Variants in CYREN observed in about 807,000 individuals in gnomAD.
CYREN encodes cell cycle regulator of non-homologous end joining.
In CYREN, 7 loss-of-function variants were observed where a neutral mutation model predicts 9.7. The observed-to-expected ratio is 0.72, with a 90% CI of 0.41 to 1.36. CYREN has a LOEUF of 1.36. CYREN is among the 40% of genes most tolerant of loss of function. The pLI, the probability that CYREN is intolerant of heterozygous loss-of-function variation, is 0.01. For missense variants in CYREN, 215 were observed against 198.1 expected (o/e 1.09, Z -0.51); for synonymous variants, 76 against 77.9 (o/e 0.98, Z 0.13).
At chr7:135,159,263 T>C (rs537630386) in intron 2 of CYREN, among the ~76,000 whole-genome samples, 1 of 152,374 alleles carries the variant, frequency 6.6e-6, no homozygotes, top group South Asian at 2.1e-4. Flanking sequence ...AGGCACATAC[T>C]ACCTGTGTTT....
At chr7:135,168,618 T>C in intron 2 of CYREN, 168 bp downstream of exon 2, 8 of 1,073,208 alleles carry the variant, frequency 7.5e-6, no homozygotes, top group Non-Finnish European at 1.1e-5. Flanking sequence ...TAACCCGCTT[T>C]GCCTCCCGCC....
intron 2 of CYREN, among the ~76,000 whole-genome samples, chr7:135,122,742 A>T (rs1015019022): frequency 6.6e-6 from 1 of 152,126 alleles, no homozygotes; most frequent in Admixed American, 6.5e-5. Context: ...CCAGGAGTGA[A>T]CCAGATGACG....
chr7:135,132,044 T>TAA (rs1336582453), intron 2 of CYREN, among the ~76,000 whole-genome samples: 1 of 152,072 alleles, frequency 6.6e-6, no homozygotes, highest in Non-Finnish European at 1.5e-5. Flanking sequence ...TTTAAAACCC[T>TAA]AAAAAAGAAA....
At position 135,115,264 on chromosome 7, in the gene CYREN, A is replaced by G. The variant is rs112352940; in HGVS notation, n.357-20682T>C. On this transcript the variant is annotated intron_variant and non_coding_transcript_variant, in intron 2 of 2. Coordinates refer to the CYREN transcript ENST00000459937. ...ATTTTCTGCCCACTGTCATTAAAGT[A>G]CAAGCTTCAGATGGGCAAGGAATTT... 4.8e-4 allele frequency: 298 copies of G among 625,088 alleles called. 4 individuals carry two copies. In the African/African-American group the frequency reaches 4.9e-3, roughly 10 times the overall value. 38.7% of individuals were successfully genotyped at this position (625,088 alleles called of 1,614,324 possible).
chr7:135,115,654 CT>C (rs771017532), intron 2 of CYREN: 1 of 1,397,234 alleles, frequency 7.2e-7, no homozygotes, highest in Non-Finnish European at 9.6e-7. Flanking sequence ...TTTAACACAT[CT>C]TTTTTAAAAA....
At chr7:135,096,540 AAAAG>A (rs58038162) in intron 2 of CYREN, among the ~76,000 whole-genome samples, 3,794 of 64,512 alleles carry the variant, frequency 0.059, 89 homozygotes, top group South Asian at 0.098. Context: ...AACAAAAAGA[AAAAG>A]AAAGAAAGAA....
In CYREN at chr7:135,168,976, TTA is replaced by T; in HGVS notation, c.-56_-55del. The stretch of plus-strand genomic sequence containing the variant: ...GGGCCCAAGCTTAATGACCTGTTTT[TTA>T]ATTCAGGAAGGTAAATCTCGTTCTC... On this transcript the variant is annotated 5_prime_UTR_variant, in exon 2 of 4. Coordinates refer to ENST00000393114, the MANE Select transcript of CYREN (RefSeq NM_024033.4). The T allele has an allele frequency of 6.8e-7, 1 of 1,475,282 alleles. No individual in the cohort carries two copies. The highest frequency in any genetic ancestry group is 9.0e-7 in the Non-Finnish European group (1 of 1,105,100). 91.4% of individuals were successfully genotyped at this position (1,475,282 alleles called of 1,614,324 possible).
At chr7:135,162,460 T>C (rs981240758), downstream of CYREN, among the ~76,000 whole-genome samples, 1 of 152,152 alleles carries the variant, frequency 6.6e-6, no homozygotes, top group African/African-American at 2.4e-5. Flanking sequence ...AGATACCCAG[T>C]AATTTGAAAA....
chr7:135,150,421 C>T (rs746351767), intron 2 of CYREN, among the ~76,000 whole-genome samples: 6 of 152,170 alleles, frequency 3.9e-5, no homozygotes, highest in Non-Finnish European at 8.8e-5. Flanking sequence ...AACTAGAGTA[C>T]AAGCTCAATG....
At chr7:135,099,882 C>CTTTTTTTTTTTTTT (rs34324217) in intron 2 of CYREN, 2 of 62,700 alleles carry the variant, frequency 3.2e-5, no homozygotes, top group Non-Finnish European at 5.5e-5. Flanking sequence ...CTGAGTTTCT[C>CTTTTTTTTTTTTTT]TTTTTTTTTT....
intron 2 of CYREN, among the ~76,000 whole-genome samples, chr7:135,153,490 A>G (rs1186762249): frequency 2.7e-5 from 4 of 150,860 alleles, no homozygotes; most frequent in African/African-American, 9.7e-5. Context: ...TAAAAACTCT[A>G]AAAACAGCAG....
chr7:135,158,818 G>C (rs1829858519), intron 2 of CYREN, among the ~76,000 whole-genome samples: 1 of 152,200 alleles, frequency 6.6e-6, no homozygotes, highest in African/African-American at 2.4e-5. Context: ...CTCCCTCCTT[G>C]AAGCAGCTCG....
Position 135,145,147 on chromosome 7 carries a change from A to G in CYREN, n.356+23602T>C, listed in dbSNP as rs148995767. On this transcript the variant is annotated intron_variant and non_coding_transcript_variant, in intron 2 of 2. Transcript: ENST00000459937. ...GAAGCAGAACAAATTTAAACTTCTC[A>G]ACAAAACAAGAAAGCCAGACATAAT... 2.3e-3 allele frequency among the ~76,000 whole-genome samples: 344 copies of G among 152,220 alleles called. 1 individual carries two copies. The highest frequency in any genetic ancestry group is 7.6e-3 in the African/African-American group (315 of 41,544).
At chr7:135,100,020 TG>T (rs894834777) in intron 2 of CYREN, 1 of 151,810 alleles carries the variant, frequency 6.6e-6, no homozygotes, top group African/African-American at 2.4e-5. Flanking sequence ...CCCGAGTAGC[TG>T]GAACTACAGG....
chr7:135,111,980 T>C (rs2117147468), intron 2 of CYREN, among the ~76,000 whole-genome samples: 1 of 151,824 alleles, frequency 6.6e-6, no homozygotes, highest in East Asian at 2.0e-4. Flanking sequence ...TTCCGATCTC[T>C]TTCTCCTGCA....
At chr7:135,101,119 C>T (rs1157459086) in intron 2 of CYREN, 6 of 453,704 alleles carry the variant, frequency 1.3e-5, no homozygotes, top group South Asian at 9.4e-5. Flanking sequence ...AAGACCAACA[C>T]AAACATTTTT....
chr7:135,127,130 T>G (rs923784648), intron 2 of CYREN, among the ~76,000 whole-genome samples: 7 of 151,780 alleles, frequency 4.6e-5, no homozygotes, highest in Non-Finnish European at 1.0e-4. Flanking sequence ...CTGACAAAGG[T>G]CTAATATCCA....
At chr7:135,153,456 C>CAAAAAA (rs55776467) in intron 2 of CYREN, among the ~76,000 whole-genome samples, 101 of 80,746 alleles carry the variant, frequency 1.3e-3, no homozygotes, top group Admixed American at 1.4e-3. Flanking sequence ...TCCATCTCCA[C>CAAAAAA]AAAAAAAAAA....
intron 2 of CYREN, among the ~76,000 whole-genome samples, chr7:135,102,756 T>C (rs903606359): frequency 6.6e-6 from 1 of 151,036 alleles, no homozygotes; most frequent in Non-Finnish European, 1.5e-5. Flanking sequence ...TCTTACACCA[T>C]AGCAAAAAAA....
Sources: gnomAD v4.1 joint callset for allele counts (sites outside exome capture counted in the v4.1 genomes callset) on GRCh38, gnomAD v4.1.1 for gene constraint, MANE v1.5 for transcripts, NCBI Gene and HGNC (gene_info 2026-07-23, HGNC 2026-07-21) for gene names.